The following ATG7 variants were observed in gnomAD, a reference collection of about 807,000 sequenced individuals.
ATG7 encodes the protein ubiquitin-like modifier-activating enzyme ATG7.
In ATG7, 70 loss-of-function variants were observed where a neutral mutation model predicts 82.4. The ratio of observed to expected loss-of-function variants is 0.85; its 90% CI spans 0.70 to 1.04. The LOEUF (loss-of-function observed/expected upper bound fraction) is 1.04, where lower values mean the gene tolerates loss of function less well. ATG7 is among the 50% of genes least tolerant of loss of function. ATG7 has a pLI of 0.00. For synonymous variants in ATG7, 287 were observed against 313.0 expected, an observed-to-expected ratio of 0.92 and a Z score of 0.88; for missense variants, 792 against 864.3, an observed-to-expected ratio of 0.92 and a Z score of 1.05.
intron 20 of ATG7, among the ~76,000 whole-genome samples, chr3:11,439,565 C>T (rs1433806655): frequency 6.6e-6 from 1 of 152,144 alleles, no homozygotes; most frequent in African/African-American, 2.4e-5. Context: ...ACAAGCCAGG[C>T]TTTTAGGAGG....
chr3:11,443,322 A>G (rs924653098), intron 20 of ATG7, among the ~76,000 whole-genome samples: 1 of 152,194 alleles, frequency 6.6e-6, no homozygotes, highest in Non-Finnish European at 1.5e-5. Flanking sequence ...CTTACTACTA[A>G]GGCTGAGGGG....
chr3:11,461,507 A>G (rs2152998888), intron 20 of ATG7, among the ~76,000 whole-genome samples: 1 of 152,296 alleles, frequency 6.6e-6, no homozygotes, highest in South Asian at 2.1e-4. Flanking sequence ...CTCGTTTTGC[A>G]GGTTAAGGAA....
At chr3:11,529,067 AG>A (rs967684703) in intron 20 of ATG7, among the ~76,000 whole-genome samples, 1 of 151,908 alleles carries the variant, frequency 6.6e-6, no homozygotes, top group Non-Finnish European at 1.5e-5. Flanking sequence ...TGTGGAAAAA[AG>A]GGGGCGGTAC....
chr3:11,573,695 C>A, the ATG7 span, among the ~76,000 whole-genome samples: 5 of 152,220 alleles, frequency 3.3e-5, no homozygotes, highest in Non-Finnish European at 4.4e-5. Flanking sequence ...CAGTTACCAG[C>A]GCAGTTGAGC....
intron 20 of ATG7, among the ~76,000 whole-genome samples, chr3:11,455,500 A>T (rs1161758853): frequency 1.3e-5 from 2 of 152,096 alleles, no homozygotes; most frequent in South Asian, 4.1e-4. Context: ...CCTCCAGCAT[A>T]CTCATTTTGT....
At chr3:11,490,043 T>C (rs1362006525) in intron 20 of ATG7, among the ~76,000 whole-genome samples, 1 of 152,286 alleles carries the variant, frequency 6.6e-6, no homozygotes, top group East Asian at 1.9e-4. Context: ...GTTAACTTTC[T>C]GTCTCTTTGA....
intron 19 of ATG7, among the ~76,000 whole-genome samples, chr3:11,423,119 T>C (rs1030835348): frequency 6.6e-6 from 1 of 152,184 alleles, no homozygotes; most frequent in Non-Finnish European, 1.5e-5. Context: ...TTGGACACTT[T>C]GAGGCCGTTG....
intron 20 of ATG7, among the ~76,000 whole-genome samples, chr3:11,493,214 C>T (rs982795073): frequency 6.6e-6 from 1 of 152,148 alleles, no homozygotes; most frequent in Non-Finnish European, 1.5e-5. Context: ...GTCACTCTCC[C>T]CTGAAGTCAA....
chr3:11,479,354 G>A (rs1010047344), intron 20 of ATG7, among the ~76,000 whole-genome samples: 1 of 152,150 alleles, frequency 6.6e-6, no homozygotes, highest in Admixed American at 6.5e-5. Flanking sequence ...GTCAAAGGCC[G>A]TGGCAATAAA....
intron 11 of ATG7, among the ~76,000 whole-genome samples, chr3:11,334,923 C>T (rs1952187945): frequency 7.1e-6 from 1 of 140,394 alleles, no homozygotes; most frequent in African/African-American, 2.7e-5. Context: ...TGCTGCACTC[C>T]AGCCTGGGTG....
chr3:11,477,430 C>T (rs1390090138), intron 20 of ATG7: 3 of 547,346 alleles, frequency 5.5e-6, no homozygotes, highest in Non-Finnish European at 7.1e-6. Context: ...CTTTTAAACA[C>T]AAGCATCAGC....
At chr3:11,491,963 GCCT>G (rs1361829564) in intron 20 of ATG7, among the ~76,000 whole-genome samples, 4 of 152,210 alleles carry the variant, frequency 2.6e-5, no homozygotes, top group African/African-American at 4.8e-5. Flanking sequence ...AGGCAGGTAG[GCCT>G]CCTTGAGCTG....
rs889238971 is a variant in ATG7 at position 11,474,804 on chromosome 3, G to A, written c.2079+47878G>A. 8.5e-5 allele frequency among the ~76,000 whole-genome samples: 13 copies of A among 152,254 alleles called. No individual in the cohort carries two copies. In the East Asian group the frequency reaches 1.9e-3, roughly 23 times the overall value. ...GAGCTGAGATGACCCTCGTCTAGGC[G>A]GAGGGAACATCCCATGTGAAGGCCT... On this transcript the variant is annotated intron_variant, in intron 20 of 20. Transcript: ENST00000693202.
intron 12 of ATG7, among the ~76,000 whole-genome samples, 171 bp from the exon 13 acceptor site, chr3:11,341,964 T>A (rs1387656735): frequency 1.3e-5 from 2 of 152,192 alleles, no homozygotes; most frequent in African/African-American, 4.8e-5. Context: ...AACAGCATGC[T>A]GCTGGGTGGG....
chr3:11,513,134 A>G (rs2092137269), intron 20 of ATG7, among the ~76,000 whole-genome samples: 1 of 152,354 alleles, frequency 6.6e-6, no homozygotes, highest in African/African-American at 2.4e-5. Context: ...CTAGCTAGAC[A>G]TAAAGGTTCT....
intron 20 of ATG7, among the ~76,000 whole-genome samples, chr3:11,482,980 C>T (rs997062274): frequency 2.6e-5 from 4 of 152,012 alleles, no homozygotes; most frequent in African/African-American, 4.8e-5. Context: ...ATGATAACTA[C>T]AATTCTGACC....
At chr3:11,408,960 C>G in intron 19 of ATG7, among the ~76,000 whole-genome samples, 1 of 152,140 alleles carries the variant, frequency 6.6e-6, no homozygotes. Context: ...GGTGAGGTAT[C>G]TGTTAAGATC....
chr3:11,441,851 GAC>G (rs963888504), intron 20 of ATG7, among the ~76,000 whole-genome samples: 6 of 150,992 alleles, frequency 4.0e-5, no homozygotes, highest in African/African-American at 1.5e-4. Flanking sequence ...ATTTTTAGTA[GAC>G]ACAGGTTTCA....
At chr3:11,368,229 TAAAAAAAAAA>T (rs760208581) in intron 18 of ATG7, among the ~76,000 whole-genome samples, 38 of 109,350 alleles carry the variant, frequency 3.5e-4, no homozygotes, top group Admixed American at 2.3e-3. Flanking sequence ...TTCTTTTACT[TAAAAAAAAAA>T]AAAAAAAAAA....
Sources: gnomAD v4.1 joint callset for allele counts (sites outside exome capture counted in the v4.1 genomes callset) on GRCh38, gnomAD v4.1.1 for gene constraint, MANE v1.5 for transcripts, NCBI Gene and HGNC (gene_info 2026-07-23, HGNC 2026-07-21) for gene names.